DLG2: variants seen among roughly 807,000 people sequenced by gnomAD.
The protein encoded by DLG2 is disks large homolog 2.
In DLG2, 45 loss-of-function variants were observed where a neutral mutation model predicts 132.5. The ratio of observed to expected loss-of-function variants is 0.34; its 90% CI spans 0.27 to 0.44. The LOEUF is 0.44. Ranked by LOEUF, DLG2 falls within the 20% of genes least tolerant of loss-of-function variation. The pLI is 1.00. For synonymous variants in DLG2, 424 were observed against 419.6 expected (o/e 1.01, Z -0.13); for missense variants, 1,045 against 1,196.9 (o/e 0.87, Z 1.87).
intron 7 of DLG2, among the ~76,000 whole-genome samples, chr11:84,524,200 C>T (rs2154518074): frequency 2.0e-5 from 3 of 152,266 alleles, no homozygotes; most frequent in Middle Eastern, 6.8e-3. Flanking sequence ...CACAGGTGGC[C>T]CATCACTGCA....
At chr11:85,045,865 T>C (rs1256266101) in intron 6 of DLG2, among the ~76,000 whole-genome samples, 1 of 152,084 alleles carries the variant, frequency 6.6e-6, no homozygotes, top group Non-Finnish European at 1.5e-5. Context: ...TAGCGATGTC[T>C]GTTATTCTCT....
chr11:84,596,026 A>T (rs953304213), intron 6 of DLG2, among the ~76,000 whole-genome samples: 2 of 152,186 alleles, frequency 1.3e-5, no homozygotes, highest in African/African-American at 4.8e-5. Flanking sequence ...GAAGAATCTG[A>T]CTTAAATCAC....
At chr11:84,698,497 C>A (rs1227681982) in intron 6 of DLG2, among the ~76,000 whole-genome samples, 1 of 151,458 alleles carries the variant, frequency 6.6e-6, no homozygotes, top group African/African-American at 2.4e-5. Flanking sequence ...ATTTAAATGA[C>A]AAAATACAAT....
intron 6 of DLG2, among the ~76,000 whole-genome samples, chr11:84,793,653 A>G (rs1022463049): frequency 6.6e-6 from 1 of 152,164 alleles, no homozygotes. Flanking sequence ...TCATTATATA[A>G]TTACCTTCCT....
intron 3 of DLG2, among the ~76,000 whole-genome samples, chr11:85,528,318 G>T (rs990684144): frequency 6.6e-6 from 1 of 152,114 alleles, no homozygotes; most frequent in Non-Finnish European, 1.5e-5. Context: ...ATGGTTTTAG[G>T]ATTTTAAATA....
chr11:85,488,264 C>G (rs973170515), intron 3 of DLG2, among the ~76,000 whole-genome samples: 4 of 152,026 alleles, frequency 2.6e-5, no homozygotes, highest in Non-Finnish European at 1.5e-5. Flanking sequence ...TGTGAGGCAC[C>G]TATAGTCCCA....
At chr11:84,025,249 G>A (rs1420454760) in intron 11 of DLG2, among the ~76,000 whole-genome samples, 1 of 152,070 alleles carries the variant, frequency 6.6e-6, no homozygotes, top group Non-Finnish European at 1.5e-5. Flanking sequence ...AAGGCAAGGA[G>A]GAGCAAGTCA....
At chr11:84,534,413 G>A (rs1054092416) in intron 7 of DLG2, among the ~76,000 whole-genome samples, 157 bp downstream of exon 7, 2 of 152,104 alleles carry the variant, frequency 1.3e-5, no homozygotes, top group African/African-American at 4.8e-5. Context: ...AAAAATACAA[G>A]GTGGGCCTCC....
At chr11:83,485,368 A>G (rs774036044) in intron 21 of DLG2, among the ~76,000 whole-genome samples, 1 of 152,108 alleles carries the variant, frequency 6.6e-6, no homozygotes, top group Admixed American at 6.6e-5. Context: ...GTCATTTTAT[A>G]AGTTATTGGC....
At chr11:83,723,499 G>T in intron 18 of DLG2, among the ~76,000 whole-genome samples, 1 of 152,194 alleles carries the variant, frequency 6.6e-6, no homozygotes, top group South Asian at 2.1e-4. Context: ...AATAACAACA[G>T]CTGACATTGA....
chr11:84,096,254 T>TTGTGTG (rs143242289), intron 10 of DLG2, among the ~76,000 whole-genome samples: 2 of 150,298 alleles, frequency 1.3e-5, no homozygotes, highest in African/African-American at 2.4e-5. Flanking sequence ...AAGTAGAAGA[T>TTGTGTG]TGTGTGTGTG....
At chr11:84,455,680 A>T (rs927577238) in intron 7 of DLG2, among the ~76,000 whole-genome samples, 3 of 151,422 alleles carry the variant, frequency 2.0e-5, no homozygotes, top group Non-Finnish European at 4.4e-5. Context: ...CATACAACAC[A>T]TACTAGACTT....
intron 3 of DLG2, among the ~76,000 whole-genome samples, chr11:85,306,327 G>A (rs1232721992): frequency 1.3e-5 from 2 of 152,140 alleles, no homozygotes; most frequent in African/African-American, 4.8e-5. Flanking sequence ...CAAAGAGAAA[G>A]GGCCTTTCTC....
At chr11:85,564,451 T>A (rs2077421048) in intron 3 of DLG2, among the ~76,000 whole-genome samples, 1 of 151,996 alleles carries the variant, frequency 6.6e-6, no homozygotes, top group Non-Finnish European at 1.5e-5. Context: ...AAGTTCACTT[T>A]TTCCACATTC....
chr11:84,666,028 C>G (rs2099699407), intron 6 of DLG2, among the ~76,000 whole-genome samples: 1 of 152,138 alleles, frequency 6.6e-6, no homozygotes, highest in South Asian at 2.1e-4. Flanking sequence ...GTTGCCCTCC[C>G]CTCCCCTATA....
intron 19 of DLG2, among the ~76,000 whole-genome samples, chr11:83,553,889 CTTTTTTTTTCTTTTT>C (rs1450613359): frequency 1.5e-4 from 22 of 142,898 alleles, no homozygotes; most frequent in African/African-American, 5.8e-4. Context: ...ACAATCTTTT[CTTTTTTTTTCTTTTT>C]TTTTTTTTTG....
intron 3 of DLG2, among the ~76,000 whole-genome samples, chr11:85,285,639 C>T (rs924766982): frequency 6.6e-6 from 1 of 151,810 alleles, no homozygotes; most frequent in African/African-American, 2.4e-5. Flanking sequence ...GAATGTTATT[C>T]AGTAATAAGG....
intron 6 of DLG2, among the ~76,000 whole-genome samples, chr11:85,093,537 G>A (rs1345741622): frequency 6.6e-6 from 1 of 152,202 alleles, no homozygotes; most frequent in Non-Finnish European, 1.5e-5. Context: ...AAGGAAAGAA[G>A]TTTAATGTAC....
Position 83,967,503 on chromosome 11 carries a change from T to C in DLG2, c.1057-2035A>G, listed in dbSNP as rs190668233. On this transcript the variant is annotated intron_variant, in intron 12 of 27. Transcript: ENST00000376104. ...ATGATTAGTGATATTAAGCACCTTT[T>C]TGCATACCTGTTGGACATTTTTGCA... Among the ~76,000 whole-genome samples the C allele has an allele frequency of 1.0e-3, 155 of 152,296 alleles. 1 individual carries two copies. Among genetic ancestry groups the C allele is most frequent in the Admixed American group, 3.2e-3 (49 of 15,280 alleles).
Sources: allele counts gnomAD v4.1 joint callset (sites outside exome capture counted in the v4.1 genomes callset), GRCh38; gene constraint gnomAD v4.1.1; transcripts MANE v1.5; gene names NCBI Gene and HGNC (gene_info 2026-07-23, HGNC 2026-07-21).